Variants in PRKG1 observed in about 807,000 individuals in gnomAD.
PRKG1 encodes the protein cGMP-dependent protein kinase 1.
Under a neutral mutation model 88.1 loss-of-function variants are expected in PRKG1, and 35 were observed. The ratio of observed to expected loss-of-function variants is 0.40; its 90% CI spans 0.30 to 0.53. The LOEUF (loss-of-function observed/expected upper bound fraction) is 0.53. Among genes scored for constraint, PRKG1 ranks in the 20% least tolerant of loss-of-function variants. PRKG1 has a pLI of 0.59. For synonymous variants in PRKG1, 303 were observed against 292.5 expected, an observed-to-expected ratio of 1.04 and a Z score of -0.37; for missense variants, 540 against 839.8, an observed-to-expected ratio of 0.64 and a Z score of 4.41.
At chr10:52,031,678 T>C (rs1300378314) in intron 5 of PRKG1, among the ~76,000 whole-genome samples, 2 of 152,222 alleles carry the variant, frequency 1.3e-5, no homozygotes, top group Non-Finnish European at 2.9e-5. Flanking sequence ...GCATTGTGGT[T>C]GCTGTAGATG....
intron 2 of PRKG1, among the ~76,000 whole-genome samples, chr10:51,275,923 G>A (rs760385537): frequency 7.3e-5 from 11 of 151,428 alleles, no homozygotes; most frequent in Admixed American, 1.3e-4. Flanking sequence ...AAGGTATTAC[G>A]GGAAGAAGAA....
intron 8 of PRKG1, among the ~76,000 whole-genome samples, chr10:52,150,754 A>G (rs566335139): frequency 6.3e-4 from 96 of 152,180 alleles, no homozygotes; most frequent in Non-Finnish European, 1.2e-3. Flanking sequence ...CTTGGGATAG[A>G]TTTATTATGC....
At chr10:52,054,366 G>A in intron 5 of PRKG1, 118 bp from the exon 6 acceptor site, 2 of 696,972 alleles carry the variant, frequency 2.9e-6, no homozygotes, top group Non-Finnish European at 4.9e-6. Flanking sequence ...ATGGTTCCAG[G>A]CTTGGATAAA....
intron 4 of PRKG1, among the ~76,000 whole-genome samples, chr10:51,882,973 G>A (rs1001453084): frequency 1.3e-5 from 2 of 152,192 alleles, no homozygotes; most frequent in Non-Finnish European, 2.9e-5. Context: ...ATTATGTCTG[G>A]GTGCATCTGT....
chr10:51,839,329 A>G (rs993111430), intron 4 of PRKG1, among the ~76,000 whole-genome samples: 1 of 152,198 alleles, frequency 6.6e-6, no homozygotes, highest in Non-Finnish European at 1.5e-5. Flanking sequence ...GACAGTGGGA[A>G]CATTTAGCGT....
intron 2 of PRKG1, among the ~76,000 whole-genome samples, chr10:51,431,071 T>A (rs1469467483): frequency 6.6e-6 from 1 of 152,150 alleles, no homozygotes; most frequent in Non-Finnish European, 1.5e-5. Flanking sequence ...AATTTTATTG[T>A]ATGTAAAATT....
At chr10:52,243,266 T>G (rs1840913866) in intron 9 of PRKG1, among the ~76,000 whole-genome samples, 1 of 152,200 alleles carries the variant, frequency 6.6e-6, no homozygotes. Flanking sequence ...CAAATATATT[T>G]TATAACTTTT....
At chr10:51,875,535 G>A (rs1435968107) in intron 4 of PRKG1, among the ~76,000 whole-genome samples, 2 of 152,094 alleles carry the variant, frequency 1.3e-5, no homozygotes, top group Non-Finnish European at 2.9e-5. Flanking sequence ...AGCCTCCCAA[G>A]TAGCTGAGAT....
intron 1 of PRKG1, among the ~76,000 whole-genome samples, chr10:51,028,782 A>T (rs920634092): frequency 1.3e-5 from 2 of 152,144 alleles, no homozygotes; most frequent in African/African-American, 4.8e-5. Context: ...CTTTAGAAAC[A>T]TGTCTGATTT....
At chr10:52,120,003 G>C (rs1847781165) in intron 7 of PRKG1, among the ~76,000 whole-genome samples, 1 of 151,458 alleles carries the variant, frequency 6.6e-6, no homozygotes, top group African/African-American at 2.4e-5. Context: ...GAGAGAGAGA[G>C]ACAGAGAGAG....
intron 1 of PRKG1, among the ~76,000 whole-genome samples, chr10:51,129,760 G>A (rs998059080): frequency 6.6e-6 from 1 of 152,162 alleles, no homozygotes; most frequent in Non-Finnish European, 1.5e-5. Context: ...TGGTAGCCAC[G>A]TTGCCACAAT....
At chr10:51,590,140 G>C (rs1838274150) in intron 3 of PRKG1, among the ~76,000 whole-genome samples, 1 of 152,142 alleles carries the variant, frequency 6.6e-6, no homozygotes, top group Non-Finnish European at 1.5e-5. Context: ...ACATAGTTGT[G>C]ACTGATTTTG....
At chr10:52,174,153 G>C (rs1309764074) in intron 9 of PRKG1, among the ~76,000 whole-genome samples, 2 of 151,358 alleles carry the variant, frequency 1.3e-5, no homozygotes, top group Admixed American at 6.6e-5. Context: ...TAGGACTCAT[G>C]GTTTTTCCTC....
intron 3 of PRKG1, among the ~76,000 whole-genome samples, chr10:51,525,606 G>A (rs977183646): frequency 2.0e-5 from 3 of 152,126 alleles, no homozygotes; most frequent in Admixed American, 2.0e-4. Flanking sequence ...GCTGAGGCAG[G>A]AGAATGGCGT....
intron 2 of PRKG1, among the ~76,000 whole-genome samples, chr10:51,343,056 G>A (rs1179654293): frequency 6.6e-6 from 1 of 152,172 alleles, no homozygotes; most frequent in African/African-American, 2.4e-5. Context: ...TTGGGCCTCA[G>A]GTAGACTAAA....
intron 9 of PRKG1, among the ~76,000 whole-genome samples, chr10:52,233,732 G>T (rs1441725049): frequency 3.4e-5 from 5 of 148,464 alleles, no homozygotes; most frequent in African/African-American, 7.4e-5. Context: ...CAGCGAGGCT[G>T]GGGGAGGGGC....
At chr10:51,331,085 T>G (rs1427462137) in intron 2 of PRKG1, among the ~76,000 whole-genome samples, 1 of 152,132 alleles carries the variant, frequency 6.6e-6, no homozygotes, top group Non-Finnish European at 1.5e-5. Flanking sequence ...AAAAAGCCTG[T>G]GGCTCTCTGT....
intron 5 of PRKG1, among the ~76,000 whole-genome samples, chr10:51,988,628 TGG>T (rs1564741080): frequency 7.2e-5 from 11 of 152,188 alleles, no homozygotes; most frequent in Non-Finnish European, 1.2e-4. Context: ...CCATAAGTAT[TGG>T]CTATTCAGGT....
chr10:52,091,745 T>G (rs1847061321), intron 7 of PRKG1, among the ~76,000 whole-genome samples: 1 of 152,202 alleles, frequency 6.6e-6, no homozygotes, highest in African/African-American at 2.4e-5. Context: ...AGCAGAAATG[T>G]TCTAAAGAAG....
Sources: allele counts gnomAD v4.1 joint callset (sites outside exome capture counted in the v4.1 genomes callset), GRCh38; gene constraint gnomAD v4.1.1; transcripts MANE v1.5; gene names NCBI Gene and HGNC (gene_info 2026-07-23, HGNC 2026-07-21).